ATXN1: variants seen among roughly 807,000 people sequenced by gnomAD.
The protein encoded by ATXN1 is ataxin 1, also known as ataxin-1.
In ATXN1, 8 loss-of-function variants were observed where a neutral mutation model predicts 56.4. That is an observed-to-expected ratio of 0.14 (90% confidence interval 0.08 to 0.26). The LOEUF is 0.26. Among genes scored for constraint, ATXN1 ranks in the 10% least tolerant of loss-of-function variants. ATXN1 has a pLI of 1.00. For missense variants in ATXN1, 987 were observed against 1,106.5 expected (o/e 0.89, Z 1.53); for synonymous variants, 514 against 494.6 (o/e 1.04, Z -0.52).
chr6:16,493,796 T>TG (rs1367413344), intron 5 of ATXN1, among the ~76,000 whole-genome samples: 1 of 152,178 alleles, frequency 6.6e-6, no homozygotes, highest in Non-Finnish European at 1.5e-5. Context: ...TTGGGTGACT[T>TG]GGAGAAAAAT....
chr6:16,393,722 A>G (rs536069843), intron 6 of ATXN1, among the ~76,000 whole-genome samples: 2 of 152,316 alleles, frequency 1.3e-5, no homozygotes, highest in African/African-American at 2.4e-5. Context: ...ACTAATTTTA[A>G]AATATGCTTT....
chr6:16,482,205 T>G (rs189328555), intron 6 of ATXN1, among the ~76,000 whole-genome samples: 47 of 152,214 alleles, frequency 3.1e-4, no homozygotes, highest in African/African-American at 1.1e-3. Flanking sequence ...ATGAGAGGCA[T>G]TCACTTAGTG....
At chr6:16,325,660 G>T (rs1760786142) in intron 7 of ATXN1, among the ~76,000 whole-genome samples, 1 of 150,952 alleles carries the variant, frequency 6.6e-6, no homozygotes, top group Non-Finnish European at 1.5e-5. Flanking sequence ...TTGGTGTAGA[G>T]TGCCCTTTCC....
rs965050144 is a variant in ATXN1, at chr6:16,629,208, C to T, written c.-489+28568G>A. 1.2e-4 allele frequency among the ~76,000 whole-genome samples: 18 copies of T among 152,284 alleles called. No individual in the cohort carries two copies. The South Asian group carries it at 3.1e-3, about 26-fold the overall frequency. ...AGTATCTCATTGTGCTTTTGATTTG[C>T]GTTGCTCTAATGACCAGCGATATTG... On this transcript the variant is annotated intron_variant, in intron 3 of 7. Transcript: ENST00000436367.
chr6:16,604,208 C>T (rs1326805699), intron 3 of ATXN1, among the ~76,000 whole-genome samples: 2 of 151,228 alleles, frequency 1.3e-5, no homozygotes, highest in East Asian at 3.9e-4. Context: ...TAAAGAGGAA[C>T]AGGCCAGGCA....
At chr6:16,411,350 A>G (rs1213910182) in intron 6 of ATXN1, among the ~76,000 whole-genome samples, 1 of 152,072 alleles carries the variant, frequency 6.6e-6, no homozygotes, top group Non-Finnish European at 1.5e-5. Context: ...TGACTTTAAT[A>G]TTGATATTGA....
chr6:16,611,849 AT>A (rs369870821), intron 3 of ATXN1, among the ~76,000 whole-genome samples: 31 of 75,176 alleles, frequency 4.1e-4, no homozygotes, highest in Admixed American at 1.3e-3. Context: ...AGCAGATGAA[AT>A]TTTTTTTTTT....
intron 2 of ATXN1, chr6:16,738,563 G>A (rs1319702775): frequency 3.9e-5 from 6 of 152,048 alleles, no homozygotes; most frequent in Non-Finnish European, 4.4e-5. Flanking sequence ...TGTGTGTATT[G>A]GCAAAAGACT....
intron 6 of ATXN1, among the ~76,000 whole-genome samples, chr6:16,450,976 C>T (rs532048245): frequency 1.2e-4 from 18 of 152,248 alleles, no homozygotes; most frequent in African/African-American, 4.3e-4. Flanking sequence ...TAAAGTAGAC[C>T]CCCCCAAGGG....
intron 5 of ATXN1, among the ~76,000 whole-genome samples, chr6:16,489,413 T>C (rs1160057580): frequency 6.6e-6 from 1 of 152,168 alleles, no homozygotes; most frequent in African/African-American, 2.4e-5. Flanking sequence ...TCAAAAAAAA[T>C]TAAATTACAA....
intron 2 of ATXN1, among the ~76,000 whole-genome samples, chr6:16,733,397 C>T (rs1318527489): frequency 6.6e-6 from 1 of 152,100 alleles, no homozygotes; most frequent in Non-Finnish European, 1.5e-5. Context: ...CCTGTCTCTA[C>T]AAAAAAATTT....
rs1761095985 is a variant in ATXN1, at chr6:16,761,345, GGGAGAGA to G, written c.-784_-778del. 1 of 456,446 alleles carries G rather than the reference GGGAGAGA, an allele frequency of 2.2e-6. No individual in the cohort carries two copies. The highest frequency in any genetic ancestry group is 2.0e-5 in the African/African-American group (1 of 49,982). 28.3% of individuals were successfully genotyped at this position (456,446 alleles called of 1,614,324 possible). A position where few individuals can be genotyped will look rare whatever the true frequency, so the allele number is the denominator to read the frequency against. On this transcript the variant is annotated 5_prime_UTR_variant, in exon 1 of 8. Transcript: ENST00000436367. ...GGTTGCGTGGGGAAGGGGGGGCAGA[GGGAGAGA>G]AACAATGTCTTGCGGCTGCTGTTGC...
chr6:16,492,288 C>T (rs9396680), intron 5 of ATXN1, among the ~76,000 whole-genome samples: 8 of 146,024 alleles, frequency 5.5e-5, no homozygotes, highest in East Asian at 2.2e-4. Context: ...GTGGGGGGAG[C>T]GGGGAGGGAT....
At position 16,454,507 on chromosome 6, in the gene ATXN1, T is replaced by C. The variant is rs551368457; in HGVS notation, c.-161+31465A>G. ...ATACTTGGATATACCTGTAGCCCATTTGTAACAAACTGGCTTGAGAAGCTG... is the reference window on the plus strand; with the variant it reads ...ATACTTGGATATACCTGTAGCCCATCTGTAACAAACTGGCTTGAGAAGCTG... On this transcript the variant is annotated intron_variant, in intron 6 of 7. Coordinates refer to ENST00000436367, the MANE Select transcript of ATXN1 (RefSeq NM_001128164.2). Among the ~76,000 whole-genome samples, 5 of 152,344 alleles carry C rather than the reference T, an allele frequency of 3.3e-5. No individual in the cohort carries two copies. In the South Asian group the frequency reaches 6.2e-4, roughly 19 times the overall value.
At chr6:16,344,652 G>A (rs922927855) in intron 6 of ATXN1, among the ~76,000 whole-genome samples, 2 of 152,232 alleles carry the variant, frequency 1.3e-5, no homozygotes, top group Non-Finnish European at 2.9e-5. Flanking sequence ...CAGGCTGAAG[G>A]CTGCACTGTC....
chr6:16,576,610 T>G (rs537016189), intron 4 of ATXN1, among the ~76,000 whole-genome samples: 14 of 152,360 alleles, frequency 9.2e-5, no homozygotes, highest in African/African-American at 3.1e-4. Flanking sequence ...TAGTAAATAC[T>G]GCCGAAAGGA....
intron 5 of ATXN1, among the ~76,000 whole-genome samples, chr6:16,509,905 G>A (rs937256306): frequency 6.6e-6 from 1 of 151,968 alleles, no homozygotes; most frequent in African/African-American, 2.4e-5. Context: ...GTTCCAGAAC[G>A]TACTCTTCAC....
chr6:16,469,576 A>G (rs1002107561), intron 6 of ATXN1, among the ~76,000 whole-genome samples: 3 of 152,246 alleles, frequency 2.0e-5, no homozygotes, highest in African/African-American at 7.2e-5. Flanking sequence ...ACTACTAGGC[A>G]GAAAGTCTAC....
At chr6:16,553,430 C>T (rs931399556) in intron 4 of ATXN1, among the ~76,000 whole-genome samples, 1 of 152,168 alleles carries the variant, frequency 6.6e-6, no homozygotes, top group Non-Finnish European at 1.5e-5. Flanking sequence ...GATGCTTCCA[C>T]CATACTTTGT....
Sources: allele counts gnomAD v4.1 joint callset (sites outside exome capture counted in the v4.1 genomes callset), GRCh38; gene constraint gnomAD v4.1.1; transcripts MANE v1.5; gene names NCBI Gene and HGNC (gene_info 2026-07-23, HGNC 2026-07-21).